The following TOX variants were observed in gnomAD, a reference collection of about 807,000 sequenced individuals.
TOX encodes the protein thymocyte selection associated high mobility group box.
Under a neutral mutation model 53.7 loss-of-function variants are expected in TOX, and 11 were observed. The observed-to-expected ratio is 0.20, with a 90% CI of 0.13 to 0.34. The LOEUF is 0.34. Ranked by LOEUF, TOX falls within the 10% of genes least tolerant of loss-of-function variation. TOX has a pLI of 1.00. For missense variants in TOX, 570 were observed against 664.6 expected (o/e 0.86, Z 1.56); for synonymous variants, 225 against 245.3 (o/e 0.92, Z 0.77).
chr8:58,912,927 A>T (rs111253125), intron 3 of TOX, among the ~76,000 whole-genome samples: 3 of 152,310 alleles, frequency 2.0e-5, no homozygotes, highest in African/African-American at 7.2e-5. Context: ...TAGGAGAGAA[A>T]TGACAAGTTG....
At chr8:59,113,129 C>T (rs1318553763) in intron 1 of TOX, among the ~76,000 whole-genome samples, 1 of 152,166 alleles carries the variant, frequency 6.6e-6, no homozygotes, top group Non-Finnish European at 1.5e-5. Context: ...CATGCTAACC[C>T]CTGTTACTTA....
intron 6 of TOX, among the ~76,000 whole-genome samples, chr8:58,818,408 A>T (rs1162896814): frequency 6.6e-6 from 1 of 152,196 alleles, no homozygotes; most frequent in African/African-American, 2.4e-5. Flanking sequence ...TGACTGTGAC[A>T]ACAGAAATAA....
intron 1 of TOX, among the ~76,000 whole-genome samples, chr8:59,043,515 G>C (rs1803631583): frequency 6.6e-6 from 1 of 151,920 alleles, no homozygotes; most frequent in Non-Finnish European, 1.5e-5. Flanking sequence ...AAACTATATA[G>C]CTAAACTAAT....
chr8:59,042,302 TC>T (rs1457411943), intron 1 of TOX, among the ~76,000 whole-genome samples: 9 of 152,312 alleles, frequency 5.9e-5, no homozygotes, highest in African/African-American at 2.2e-4. Flanking sequence ...TTAATATCCT[TC>T]AAATATGACT....
chr8:59,023,060 G>A (rs1022766670), intron 1 of TOX, among the ~76,000 whole-genome samples: 6 of 152,142 alleles, frequency 3.9e-5, no homozygotes, highest in African/African-American at 1.4e-4. Flanking sequence ...TCTCAGTGGT[G>A]TATGACTTCC....
chr8:59,016,761 T>C (rs549297513), intron 1 of TOX, among the ~76,000 whole-genome samples: 1 of 152,392 alleles, frequency 6.6e-6, no homozygotes, highest in South Asian at 2.1e-4. Flanking sequence ...AAAGGCCATT[T>C]AAGCTTATGT....
chr8:58,848,372 AC>A (rs201710672), intron 4 of TOX, among the ~76,000 whole-genome samples: 3,957 of 152,170 alleles, frequency 0.026, 122 homozygotes, highest in East Asian at 0.12. Flanking sequence ...ACTTAGAAAA[AC>A]AAGCCTATTT....
intron 1 of TOX, among the ~76,000 whole-genome samples, chr8:59,058,858 G>A (rs1022786801): frequency 2.0e-5 from 3 of 152,140 alleles, no homozygotes. Flanking sequence ...TCTATTAAAA[G>A]GTCAGAGTTT....
chr8:58,963,257 C>A (rs1009557796), intron 1 of TOX, among the ~76,000 whole-genome samples: 1 of 151,528 alleles, frequency 6.6e-6, no homozygotes, highest in Non-Finnish European at 1.5e-5. Context: ...ATCATGTCAG[C>A]CAATTCCTTA....
chr8:59,031,476 G>A (rs1270036482), intron 1 of TOX, among the ~76,000 whole-genome samples: 1 of 152,166 alleles, frequency 6.6e-6, no homozygotes, highest in Admixed American at 6.5e-5. Flanking sequence ...TAATCATTGG[G>A]TATAAATTAG....
intron 1 of TOX, among the ~76,000 whole-genome samples, chr8:58,999,118 A>G (rs1813641403): frequency 6.6e-6 from 1 of 152,234 alleles, no homozygotes; most frequent in Non-Finnish European, 1.5e-5. Flanking sequence ...TTTTGGTTAT[A>G]GTTTTTCGCA....
chr8:58,813,166 T>C (rs1028034042), intron 7 of TOX, among the ~76,000 whole-genome samples: 3 of 152,264 alleles, frequency 2.0e-5, no homozygotes, highest in Admixed American at 2.0e-4. Context: ...TAAGATTCTA[T>C]ATGGAAAGAC....
At chr8:59,005,553 A>G (rs1373178921) in intron 1 of TOX, among the ~76,000 whole-genome samples, 3 of 152,256 alleles carry the variant, frequency 2.0e-5, no homozygotes, top group Non-Finnish European at 4.4e-5. Context: ...TAGCACATTA[A>G]CAATTTTAAA....
At chr8:59,091,857 T>C (rs1052026084) in intron 1 of TOX, among the ~76,000 whole-genome samples, 1 of 152,182 alleles carries the variant, frequency 6.6e-6, no homozygotes, top group Non-Finnish European at 1.5e-5. Flanking sequence ...CACCTTCATC[T>C]AGATCAATGG....
chr8:58,985,313 A>G (rs1813306777), intron 1 of TOX, among the ~76,000 whole-genome samples: 1 of 152,190 alleles, frequency 6.6e-6, no homozygotes, highest in Non-Finnish European at 1.5e-5. Flanking sequence ...TCAGTCTTCA[A>G]AAGGAAATTC....
At chr8:59,003,064 T>A (rs1233054068) in intron 1 of TOX, among the ~76,000 whole-genome samples, 1 of 152,238 alleles carries the variant, frequency 6.6e-6, no homozygotes, top group Non-Finnish European at 1.5e-5. Flanking sequence ...AAAACTGACC[T>A]TTGGTTTCAT....
intron 3 of TOX, among the ~76,000 whole-genome samples, chr8:58,912,451 GCTGA>G (rs1811924663): frequency 6.6e-6 from 1 of 152,154 alleles, no homozygotes; most frequent in Non-Finnish European, 1.5e-5. Flanking sequence ...CAAAGGGCCG[GCTGA>G]CTAAATTTTC....
intron 1 of TOX, among the ~76,000 whole-genome samples, chr8:59,114,853 A>G (rs1805075858): frequency 6.6e-6 from 1 of 152,220 alleles, no homozygotes; most frequent in African/African-American, 2.4e-5. Flanking sequence ...TACATTTTAA[A>G]TAGAAAATAA....
chr8:58,907,169 C>T (rs1011893961), intron 3 of TOX, among the ~76,000 whole-genome samples: 1 of 152,196 alleles, frequency 6.6e-6, no homozygotes, highest in African/African-American at 2.4e-5. Context: ...CACTTGATAG[C>T]TCCATTCTTA....
Sources: allele counts gnomAD v4.1 joint callset (sites outside exome capture counted in the v4.1 genomes callset), GRCh38; gene constraint gnomAD v4.1.1; transcripts MANE v1.5; gene names NCBI Gene and HGNC (gene_info 2026-07-23, HGNC 2026-07-21).